The following KIRREL2 variants were observed in gnomAD, a reference collection of about 807,000 sequenced individuals.
KIRREL2 encodes kirre like nephrin family adhesion molecule 2.
A neutral mutation model predicts 73.4 loss-of-function variants in KIRREL2; 56 were observed. The ratio of observed to expected loss-of-function variants is 0.76; its 90% CI spans 0.62 to 0.95. KIRREL2 has a LOEUF of 0.95. Ranked by LOEUF, KIRREL2 falls within the 40% of genes least tolerant of loss-of-function variation. KIRREL2 has a pLI of 0.00. For missense variants in KIRREL2, 896 were observed against 935.0 expected, an observed-to-expected ratio of 0.96 and a Z score of 0.54; for synonymous variants, 407 against 404.0, an observed-to-expected ratio of 1.01 and a Z score of -0.09.
intron 1 of KIRREL2, 71 bp downstream of exon 1, chr19:35,857,251 G>C: frequency 6.2e-7 from 1 of 1,604,708 alleles, no homozygotes; most frequent in South Asian, 1.1e-5. Flanking sequence ...CTCTTCACTA[G>C]CGAGAAGGGA....
At position 35,857,415 on chromosome 19, in the gene KIRREL2, G is replaced by A. The variant is rs200714391; in HGVS notation, c.132G>A (p.Pro44=). ...TGCTGGGGGAGGAAGCCCGGCTGCC[G>A]TGTGCTCTGGGCGCCTACTGGGGGC... The part of the protein sequence containing the change: ...VVLLGEEARL[P]CALGAYWGLV... Residue 44 remains proline, a synonymous_variant, in exon 2 of 15, where the codon CCG becomes CCA. Transcript: ENST00000360202. 1.2e-6 allele frequency: 2 copies of A among 1,613,018 alleles called. No individual in the cohort carries two copies. The highest frequency in any genetic ancestry group is 1.1e-5 in the South Asian group (1 of 91,036).
At position 35,858,389 on chromosome 19, in the gene KIRREL2, G is replaced by A. The variant is rs376198967; in HGVS notation, c.212-19G>A. 6.2e-6 allele frequency: 10 copies of A among 1,607,762 alleles called. No individual in the cohort carries two copies. The highest frequency in any genetic ancestry group is 1.3e-5 in the African/African-American group (1 of 74,814). On this transcript the variant is annotated intron_variant, in intron 2 of 14. Transcript: ENST00000360202. ...ATTTCAGAACCATGGTGTGCTGACT[G>A]CCTTCTCCCTGACTCCAGGGTGGTC...
At chr19:35,852,569 TC>T (rs565512860), upstream of KIRREL2, among the ~76,000 whole-genome samples, 125 of 152,182 alleles carry the variant, frequency 8.2e-4, no homozygotes, top group Middle Eastern at 0.034. Context: ...AGCAGGCTCC[TC>T]CCAGCTGGCC....
chr19:35,861,293 T>C (rs1468685646), intron 9 of KIRREL2, 39 bp downstream of exon 9: 3 of 1,511,692 alleles, frequency 2.0e-6, no homozygotes, highest in Non-Finnish European at 2.6e-6. Context: ...TGGCCCGTCC[T>C]GGGATAGGGA....
Position 35,858,834 on chromosome 19 carries a change from G to T in KIRREL2, c.492G>T (p.Gly164=). ...CTGAATTGCTGTGGTTCCGAGATGG[G>T]GTCCTGTTGGATGGAGCCACCTTCC... The part of the protein sequence containing the change: ...PTPELLWFRD[G]VLLDGATFHQ... The change falls in exon 4 of 15, where the codon GGG becomes GGT. Residue 164 remains glycine, a synonymous_variant. Transcript: ENST00000360202. 1.2e-6 allele frequency: 2 copies of T among 1,614,106 alleles called. No individual in the cohort carries two copies. The highest frequency in any genetic ancestry group is 1.7e-6 in the Non-Finnish European group (2 of 1,180,030).
In KIRREL2 at chr19:35,858,796, G is replaced by A; in HGVS notation, c.454G>A (p.Ala152Thr). ...ANLTCRSRGD[A>T]RPTPELLWFR... ...CCTGACATGTCGGAGCCGTGGGGATGCCCGCCCTACCCCTGAATTGCTGTG... is the reference window on the plus strand; with the variant it reads ...CCTGACATGTCGGAGCCGTGGGGATACCCGCCCTACCCCTGAATTGCTGTG... The change falls in exon 4 of 15, where the codon GCC becomes ACC. Residue 152 changes from alanine to threonine, a missense_variant. Transcript: ENST00000360202. The A allele has an allele frequency of 6.2e-7, 1 of 1,614,208 alleles. No homozygotes were observed. Among genetic ancestry groups the A allele is most frequent in the South Asian group, 1.1e-5 (1 of 91,086 alleles).
At chr19:35,855,175 C>A (rs769188095), upstream of KIRREL2, among the ~76,000 whole-genome samples, 1 of 151,924 alleles carries the variant, frequency 6.6e-6, no homozygotes, top group Non-Finnish European at 1.5e-5. Context: ...CCCAACTGCT[C>A]TCTACACCCC....
chr19:35,858,961 G>T, intron 4 of KIRREL2, 97 bp downstream of exon 4: 1 of 1,346,970 alleles, frequency 7.4e-7, no homozygotes. Context: ...AGACATGGGA[G>T]GGCAGAGGTT....
In KIRREL2 at chr19:35,859,596, C is replaced by T. The variant is rs1973577045; in HGVS notation, c.638C>T (p.Thr213Ile). 5 of 1,613,954 alleles carry T rather than the reference C, an allele frequency of 3.1e-6. No individual in the cohort carries two copies. In the African/African-American group the frequency reaches 4.0e-5, roughly 13 times the overall value. Residue 213 changes from threonine (T) to isoleucine (I), a missense_variant, in exon 5 of 15, where the codon ACA becomes ATA. Coordinates refer to ENST00000360202, the MANE Select transcript of KIRREL2 (RefSeq NM_199180.4). ...CGGGCCCGGAGCCAGGCCCTGCCCA[C>T]AGGAAGAGACACAGCTATCACACTG... is the stretch of plus-strand genomic sequence containing the variant. ...VCRARSQALP[T>I]GRDTAITLSL...
chr19:35,852,791 T>C (rs1973304768), upstream of KIRREL2, among the ~76,000 whole-genome samples: 1 of 152,116 alleles, frequency 6.6e-6, no homozygotes, highest in South Asian at 2.1e-4. Flanking sequence ...TCTTTCTTTC[T>C]TTCTTTTCTT....
chr19:35,861,253 C>G lies in KIRREL2; in HGVS notation c.1188C>G (p.Asn396Lys). ...CCGCGGAGGCTCGGCTGACTGTGAA[C>G]GGTGAGAAGGCGGGGCTTCCTAGGG... ...GGAAEARLTV[N>K]APPVVTALHS... The change falls in exon 9 of 15, where the codon AAC becomes AAG. Residue 396 changes from asparagine to lysine, a missense_variant and splice_region_variant. Transcript: ENST00000360202. 1 of 1,527,488 alleles carries G rather than the reference C, an allele frequency of 6.5e-7. No homozygotes were observed. The highest frequency in any genetic ancestry group is 8.7e-7 in the Non-Finnish European group (1 of 1,148,008). 94.6% of individuals were successfully genotyped at this position (1,527,488 alleles called of 1,614,324 possible).
upstream of KIRREL2, chr19:35,851,804 G>A: frequency 1.3e-6 from 2 of 1,553,206 alleles, no homozygotes; most frequent in Non-Finnish European, 1.7e-6. Flanking sequence ...CCCAGGAGCA[G>A]GAGAGAAGCC....
chr19:35,861,307 G>A, intron 9 of KIRREL2, 53 bp downstream of exon 9: 2 of 1,508,140 alleles, frequency 1.3e-6, no homozygotes, highest in Non-Finnish European at 1.8e-6. Context: ...ATAGGGAGCG[G>A]ACAGAGGGGG....
chr19:35,859,734 G>A (rs1973583166), intron 5 of KIRREL2, 103 bp downstream of exon 5: 2 of 1,336,588 alleles, frequency 1.5e-6, no homozygotes, highest in Non-Finnish European at 2.0e-6. Flanking sequence ...ACTGGAGCCT[G>A]GACTCCTGGA....
At chr19:35,860,797 T>C in intron 7 of KIRREL2, 112 bp from the exon 8 acceptor site, 1 of 1,586,172 alleles carries the variant, frequency 6.3e-7, no homozygotes, top group Non-Finnish European at 8.6e-7. Flanking sequence ...AGTGTGGAGC[T>C]GGGGCATATT....
chr19:35,854,382 T>C (rs543137625), upstream of KIRREL2, among the ~76,000 whole-genome samples: 2 of 152,080 alleles, frequency 1.3e-5, no homozygotes, highest in Non-Finnish European at 2.9e-5. Context: ...AGTGTAATAG[T>C]GTGATCTCGG....
At chr19:35,855,686 CACACACACACACACACACACAT>C (rs1440626891), upstream of KIRREL2, among the ~76,000 whole-genome samples, 22 of 148,724 alleles carry the variant, frequency 1.5e-4, no homozygotes, top group East Asian at 2.1e-4. Context: ...CACACACACA[CACACACACACACACACACACAT>C]ACACACAGGA....
rs746215466 is a variant in KIRREL2, at chr19:35,866,316, C to T, written c.1951C>T (p.Pro651Ser). ...DFNPHLGMVPPCRLYRARAGY... is the reference protein window; with the variant it reads ...DFNPHLGMVPSCRLYRARAGY... ...CAACCCACACCTGGGCATGGTCCCCCCCTGCAGACTTTACAGAGCCAGGGC... is the reference window on the plus strand; with the variant it reads ...CAACCCACACCTGGGCATGGTCCCCTCCTGCAGACTTTACAGAGCCAGGGC... Residue 651 changes from proline (P) to serine (S), a missense_variant, in exon 15 of 15, where the codon CCC becomes TCC. By Grantham distance (74) the Pro-to-Ser change is moderately conservative. Coordinates refer to ENST00000360202, the MANE Select transcript of KIRREL2 (RefSeq NM_199180.4). 1.2e-6 allele frequency: 2 copies of T among 1,612,520 alleles called. No homozygotes were observed. Among genetic ancestry groups the T allele is most frequent in the Admixed American group, 1.7e-5 (1 of 60,002 alleles).
In KIRREL2 at chr19:35,860,922, G is replaced by T. The variant is rs762630821; in HGVS notation, c.942G>T (p.Leu314=). The T allele has an allele frequency of 9.3e-6, 15 of 1,613,756 alleles. No individual in the cohort carries two copies. Among genetic ancestry groups the T allele is most frequent in the Non-Finnish European group, 1.2e-5 (14 of 1,179,958 alleles). The change falls in exon 8 of 15, where the codon CTG becomes CTT. Residue 314 remains leucine, a synonymous_variant. Coordinates refer to ENST00000360202, the MANE Select transcript of KIRREL2 (RefSeq NM_199180.4). The stretch of plus-strand genomic sequence containing the variant: ...TCTTTCGTCCAGTTGGGCCGATTCT[G>T]CAGGCAAAGCCGGAGCCCGTGTCCG... The part of the protein sequence containing the change: ...TALDVLFGPI[L]QAKPEPVSVD...
Sources: allele counts gnomAD v4.1 joint callset (sites outside exome capture counted in the v4.1 genomes callset), GRCh38; gene constraint gnomAD v4.1.1; transcripts MANE v1.5; gene names NCBI Gene and HGNC (gene_info 2026-07-23, HGNC 2026-07-21).